Variants in SEL1L observed in about 807,000 individuals in gnomAD.
SEL1L encodes protein sel-1 homolog 1.
A neutral mutation model predicts 109.8 loss-of-function variants in SEL1L; 52 were observed. The ratio of observed to expected loss-of-function variants is 0.47; its 90% CI spans 0.38 to 0.60. The LOEUF (loss-of-function observed/expected upper bound fraction) is 0.60, where lower values mean the gene tolerates loss of function less well. Among genes scored for constraint, SEL1L ranks in the 20% least tolerant of loss-of-function variants. The pLI is 0.00. For synonymous variants in SEL1L, 373 were observed against 339.6 expected (o/e 1.10, Z -1.08); for missense variants, 749 against 962.2 (o/e 0.78, Z 2.93).
chr14:81,479,520 C>G, intron 20 of SEL1L, 92 bp downstream of exon 20: 2 of 1,341,094 alleles, frequency 1.5e-6, no homozygotes, highest in Non-Finnish European at 2.0e-6. Flanking sequence ...CAGGACCACT[C>G]TTCCCTGTGC....
At chr14:81,486,503 T>C (rs1258702744) in intron 16 of SEL1L, 49 bp from the exon 17 acceptor site, 1 of 1,585,478 alleles carries the variant, frequency 6.3e-7, no homozygotes, top group East Asian at 2.2e-5. Context: ...ATAAGAAAGA[T>C]ATACCAGAAA....
intron 16 of SEL1L, among the ~76,000 whole-genome samples, chr14:81,487,005 A>G (rs1903542776): frequency 7.8e-6 from 1 of 127,976 alleles, no homozygotes; most frequent in Non-Finnish European, 1.7e-5. Flanking sequence ...GGTTCTTTCT[A>G]TGTTGTCCAG....
chr14:81,523,438 T>C (rs1033794790), intron 3 of SEL1L, among the ~76,000 whole-genome samples: 1 of 152,104 alleles, frequency 6.6e-6, no homozygotes, highest in African/African-American at 2.4e-5. Context: ...TCTGCAGTCC[T>C]TCTCCCATAC....
rs1340879016 is a variant in SEL1L, at chr14:81,504,188, C to T, written c.614+13G>A. The T allele has an allele frequency of 5.3e-6, 8 of 1,514,852 alleles. No individual in the cohort carries two copies. The East Asian group carries it at 1.7e-4, about 32-fold the overall frequency. 93.8% of individuals were successfully genotyped at this position (1,514,852 alleles called of 1,614,324 possible). A position where few individuals can be genotyped will look rare whatever the true frequency, so the allele number is the denominator to read the frequency against. ...TGTCATGGGGGAAAAGTGGACTTAG[C>T]AGTGCTACCTACTCTCTTTTTTGGC... is the stretch of plus-strand genomic sequence containing the variant. On this transcript the variant is annotated intron_variant, in intron 5 of 20. Transcript: ENST00000336735.
intron 9 of SEL1L, 124 bp from the exon 10 acceptor site, chr14:81,498,170 G>T: frequency 9.7e-7 from 1 of 1,027,296 alleles, no homozygotes; most frequent in Non-Finnish European, 1.4e-6. Context: ...TGTTTTTACA[G>T]TAGTCTATAT....
chr14:81,529,404 A>C (rs1885241839), intron 1 of SEL1L, among the ~76,000 whole-genome samples: 1 of 152,210 alleles, frequency 6.6e-6, no homozygotes. Flanking sequence ...CCAAATACTG[A>C]ATGAAACTTT....
intron 1 of SEL1L, 135 bp downstream of exon 1, chr14:81,533,540 G>C: frequency 1.2e-6 from 1 of 818,738 alleles, no homozygotes; most frequent in Admixed American, 2.4e-5. Flanking sequence ...CAAAGCCAAA[G>C]AGCGAGTGAC....
At chr14:81,521,826 G>T (rs753720419) in intron 3 of SEL1L, among the ~76,000 whole-genome samples, 9 of 152,062 alleles carry the variant, frequency 5.9e-5, no homozygotes, top group Non-Finnish European at 1.2e-4. Flanking sequence ...AACAGCATTA[G>T]GTGTGTCCTT....
At chr14:81,514,195 C>T (rs1884604349) in intron 3 of SEL1L, among the ~76,000 whole-genome samples, 1 of 152,236 alleles carries the variant, frequency 6.6e-6, no homozygotes, top group South Asian at 2.1e-4. Context: ...GGGGGACTAA[C>T]TTATCTGTAA....
At chr14:81,512,420 C>T (rs1566621056) in intron 3 of SEL1L, among the ~76,000 whole-genome samples, 1 of 152,222 alleles carries the variant, frequency 6.6e-6, no homozygotes, top group African/African-American at 2.4e-5. Context: ...TGCCTCATTA[C>T]TGATTCTGAA....
rs564594356 is a variant in SEL1L at position 81,472,232 on chromosome 14, G to C, written c.*4740C>G. 2 of 158,384 alleles carry C rather than the reference G, an allele frequency of 1.3e-5. No individual in the cohort carries two copies. The highest frequency in any genetic ancestry group is 3.5e-4 in the South Asian group (2 of 5,640). The allele number at this position is 158,384 out of a possible 1,614,324, so 9.8% of individuals were successfully genotyped here. On this transcript the variant is annotated 3_prime_UTR_variant, in exon 21 of 21. Transcript: ENST00000336735. Reference sequence around the variant, plus strand: ...TGCTGGTGTTAAGGCTCTGACATCCGACTTCCCCCACAACTTTTAGGTCAG... The same window carrying C: ...TGCTGGTGTTAAGGCTCTGACATCCCACTTCCCCCACAACTTTTAGGTCAG...
chr14:81,499,015 A>G, intron 8 of SEL1L: 1 of 659,054 alleles, frequency 1.5e-6, no homozygotes, highest in Non-Finnish European at 1.9e-6. Flanking sequence ...TTCTGCACAA[A>G]TAACTCCATG....
intron 3 of SEL1L, among the ~76,000 whole-genome samples, chr14:81,513,914 G>T (rs1050448748): frequency 6.6e-6 from 1 of 152,118 alleles, no homozygotes; most frequent in Admixed American, 6.5e-5. Flanking sequence ...CGGAACTCTC[G>T]AAGTCACGTC....
At position 81,472,908 on chromosome 14, in the gene SEL1L, C is replaced by A; in HGVS notation, c.*4064G>T. On this transcript the variant is annotated 3_prime_UTR_variant, in exon 21 of 21. Coordinates refer to ENST00000336735, the MANE Select transcript of SEL1L (RefSeq NM_005065.6). ...AAAGGTGCTTGGTTGTGGTATATTA[C>A]AGCATACAGGATAACCAGAGGTGGA... 4.8e-6 allele frequency: 1 copy of A among 208,502 alleles called. No individual in the cohort carries two copies. Among genetic ancestry groups the A allele is most frequent in the Non-Finnish European group, 9.8e-6 (1 of 101,718 alleles). 12.9% of individuals were successfully genotyped at this position (208,502 alleles called of 1,614,324 possible). A position where few individuals can be genotyped will look rare whatever the true frequency, so the allele number is the denominator to read the frequency against.
intron 18 of SEL1L, chr14:81,484,651 T>C (rs1471984001): frequency 1.3e-5 from 4 of 310,868 alleles, no homozygotes; most frequent in Non-Finnish European, 2.4e-5. Flanking sequence ...GGGGGACAGG[T>C]TTAATATCCC....
At chr14:81,526,091 T>A (rs1191715922) in intron 3 of SEL1L, among the ~76,000 whole-genome samples, 7 of 152,136 alleles carry the variant, frequency 4.6e-5, no homozygotes, top group African/African-American at 1.7e-4. Flanking sequence ...AATAAACAGA[T>A]AAGGCAGTGA....
At chr14:81,520,031 CAAATTT>C (rs1037145309) in intron 3 of SEL1L, among the ~76,000 whole-genome samples, 6 of 152,002 alleles carry the variant, frequency 3.9e-5, no homozygotes, top group African/African-American at 1.4e-4. Flanking sequence ...GTTATGGGGT[CAAATTT>C]GAGTTTGAGA....
intron 11 of SEL1L, among the ~76,000 whole-genome samples, chr14:81,492,762 T>C (rs1883596679): frequency 6.6e-6 from 1 of 152,196 alleles, no homozygotes; most frequent in South Asian, 2.1e-4. Flanking sequence ...CATTAAGTCA[T>C]CTGCATAATT....
intron 3 of SEL1L, among the ~76,000 whole-genome samples, chr14:81,516,246 G>C (rs1884697397): frequency 6.6e-6 from 1 of 152,128 alleles, no homozygotes; most frequent in South Asian, 2.1e-4. Context: ...TTGAGGGCCA[G>C]GAAATTGACT....
Sources: allele counts gnomAD v4.1 joint callset (sites outside exome capture counted in the v4.1 genomes callset), GRCh38; gene constraint gnomAD v4.1.1; transcripts MANE v1.5; gene names NCBI Gene and HGNC (gene_info 2026-07-23, HGNC 2026-07-21).